Variants in MEGF8 observed in about 807,000 individuals in gnomAD.
The protein encoded by MEGF8 is multiple epidermal growth factor-like domains protein 8.
Under a neutral mutation model 302.9 loss-of-function variants are expected in MEGF8, and 156 were observed. The observed-to-expected ratio is 0.52, with a 90% CI of 0.45 to 0.59. The LOEUF (loss-of-function observed/expected upper bound fraction) is 0.59. MEGF8 is among the 20% of genes least tolerant of loss of function. The pLI, the probability that MEGF8 is intolerant of heterozygous loss-of-function variation, is 0.00. For synonymous variants in MEGF8, 1,621 were observed against 1,660.5 expected, an observed-to-expected ratio of 0.98 and a Z score of 0.58; for missense variants, 3,345 against 3,964.5, an observed-to-expected ratio of 0.84 and a Z score of 4.20.
In MEGF8 at chr19:42,376,349, C is replaced by T. The variant is rs761615916; in HGVS notation, c.8112C>T (p.Phe2704=). ...CCTTCGCCAAGGTCACCGTCTGCTT[C>T]CCACCTGACCCTACTGCCCCGGCCT... is the stretch of plus-strand genomic sequence containing the variant. ...SRPFAKVTVC[F]PPDPTAPASA... Residue 2704 remains phenylalanine (F), a synonymous_variant, in exon 42 of 42, where the codon TTC becomes TTT. Coordinates refer to ENST00000251268, the MANE Select transcript of MEGF8 (RefSeq NM_001271938.2). The surrounding 1 kb of genome is among the most constrained non-coding windows in gnomAD (Gnocchi z 8.2). 1.2e-6 allele frequency: 2 copies of T among 1,613,588 alleles called. No individual in the cohort carries two copies. The highest frequency in any genetic ancestry group is 1.7e-6 in the Non-Finnish European group (2 of 1,179,824).
chr19:42,374,050 A>G (rs1050370646), intron 41 of MEGF8, among the ~76,000 whole-genome samples: 4 of 152,176 alleles, frequency 2.6e-5, no homozygotes, highest in Admixed American at 2.6e-4. Context: ...AATAACTAGA[A>G]TGCCAGGAGC....
chr19:42,336,525 T>C lies in MEGF8; in HGVS notation c.1244+179T>C, dbSNP rs1045425627. On this transcript the variant is annotated intron_variant, in intron 6 of 41. Transcript: ENST00000251268. This position sits in a 1 kb window ranked among gnomAD's most constrained non-coding sequence, Gnocchi z 4.8. Reference sequence around the variant, plus strand: ...ATTCATTCATTCACCCACTCACACATTCTCTGATGTTTTATTCAATCTCTT... The same window carrying C: ...ATTCATTCATTCACCCACTCACACACTCTCTGATGTTTTATTCAATCTCTT... Among the ~76,000 whole-genome samples, 1 of 152,238 alleles carries C rather than the reference T, an allele frequency of 6.6e-6. No individual in the cohort carries two copies. Among genetic ancestry groups the C allele is most frequent in the African/African-American group, 2.4e-5 (1 of 41,456 alleles).
At chr19:42,360,713 G>A in intron 31 of MEGF8, 62 bp from the exon 32 acceptor site, 5 of 1,544,596 alleles carry the variant, frequency 3.2e-6, no homozygotes, top group Non-Finnish European at 4.4e-6. Context: ...TGGCATCATG[G>A]TGTGGGTCTC....
At chr19:42,342,714 GT>G (rs2039232155) in intron 8 of MEGF8, among the ~76,000 whole-genome samples, 1 of 152,088 alleles carries the variant, frequency 6.6e-6, no homozygotes, top group Admixed American at 6.6e-5. Context: ...CTGGATCTAG[GT>G]GCTCACAAAA....
chr19:42,354,024 G>A lies in MEGF8; in HGVS notation c.4011G>A (p.Thr1337=), dbSNP rs149716961. 405 of 1,584,994 alleles carry A rather than the reference G, an allele frequency of 2.6e-4. No homozygotes were observed. Among genetic ancestry groups the A allele is most frequent in the Non-Finnish European group, 3.4e-4 (391 of 1,166,808 alleles). Residue 1337 remains threonine, a splice_region_variant and synonymous_variant, in exon 22 of 42, where the codon ACG becomes ACA. Coordinates refer to ENST00000251268, the MANE Select transcript of MEGF8 (RefSeq NM_001271938.2). This position sits in a 1 kb window ranked among gnomAD's most constrained non-coding sequence, Gnocchi z 4.3. The stretch of plus-strand genomic sequence containing the variant: ...CCCCCGACAGCAGCACCCCCTGCAC[G>A]GTGAGCACTGAGGAAACGAGGGTTC... ...TFSPDSSTPC[T]LSYVLAFDGF...
chr19:42,355,889 G>T lies in MEGF8; in HGVS notation c.4276G>T (p.Gly1426Cys). The T allele has an allele frequency of 6.3e-7, 1 of 1,582,076 alleles. No homozygotes were observed. The highest frequency in any genetic ancestry group is 8.6e-7 in the Non-Finnish European group (1 of 1,164,802). The change falls in exon 24 of 42, where the codon GGT becomes TGT. Residue 1426 changes from glycine (G) to cysteine (C), a missense_variant. By Grantham distance (159) the Gly-to-Cys change is radical (BLOSUM62 -3). Coordinates refer to ENST00000251268, the MANE Select transcript of MEGF8 (RefSeq NM_001271938.2). ...PVPQECVPQD[G>C]AAGAGLCRCP... ...CCCCCAGGAATGCGTGCCCCAGGAC[G>T]GTGCTGCAGGTGCGGGGCTCTGCCG...
chr19:42,362,627 G>A (rs1313477544), intron 34 of MEGF8, 30 bp downstream of exon 34: 1 of 1,604,606 alleles, frequency 6.2e-7, no homozygotes, highest in Non-Finnish European at 8.5e-7. Context: ...CCTGAGAGGG[G>A]AGTCTTGGGG....
At position 42,354,484 on chromosome 19, in the gene MEGF8, C is replaced by G; in HGVS notation, c.4012-104C>G. ...CCTGGATGTTCAAACAGCCCATTTC[C>G]CAGTCTCAGATTGCCCTCCCCTCTT... On this transcript the variant is annotated intron_variant, in intron 22 of 41. Transcript: ENST00000251268. This position sits in a 1 kb window ranked among gnomAD's most constrained non-coding sequence, Gnocchi z 4.3. 7.6e-7 allele frequency: 1 copy of G among 1,315,308 alleles called. No individual in the cohort carries two copies. Among genetic ancestry groups the G allele is most frequent in the Middle Eastern group, 1.9e-4 (1 of 5,254 alleles). The allele number at this position is 1,315,308 out of a possible 1,614,324, so 81.5% of individuals were successfully genotyped here.
At chr19:42,328,567 A>AGTGTGTGT (rs113567438) in intron 1 of MEGF8, among the ~76,000 whole-genome samples, 5 of 146,612 alleles carry the variant, frequency 3.4e-5, no homozygotes, top group African/African-American at 5.1e-5. Flanking sequence ...CAGAATAGGA[A>AGTGTGTGT]GTGTGTGTGT....
At position 42,344,215 on chromosome 19, in the gene MEGF8, A is replaced by G; in HGVS notation, c.1788+142A>G. ...CGGAGATCCTCCTTCCTGATTCCTG[A>G]CTGCGGAGCCCTGAACCTTTGCCTA... On this transcript the variant is annotated intron_variant, in intron 10 of 41. Transcript: ENST00000251268. This position sits in a 1 kb window ranked among gnomAD's most constrained non-coding sequence, Gnocchi z 4.5. The G allele has an allele frequency of 7.5e-7, 1 of 1,341,588 alleles. No individual in the cohort carries two copies. Among genetic ancestry groups the G allele is most frequent in the South Asian group, 1.5e-5 (1 of 68,078 alleles). 83.1% of individuals were successfully genotyped at this position (1,341,588 alleles called of 1,614,324 possible). A position where few individuals can be genotyped will look rare whatever the true frequency, so the allele number is the denominator to read the frequency against.
intron 40 of MEGF8, among the ~76,000 whole-genome samples, 159 bp downstream of exon 40, chr19:42,370,990 G>A (rs2039683784): frequency 6.6e-6 from 1 of 150,464 alleles, no homozygotes; most frequent in Non-Finnish European, 1.5e-5. Flanking sequence ...GCTGGGGTCA[G>A]GGTAGGGAAG....
At chr19:42,335,247 G>A in intron 4 of MEGF8, 32 bp downstream of exon 4, 1 of 1,614,038 alleles carries the variant, frequency 6.2e-7, no homozygotes, top group East Asian at 2.2e-5. Context: ...CTGGGATCTG[G>A]AGGCCCGGCA....
intron 3 of MEGF8, among the ~76,000 whole-genome samples, chr19:42,334,629 G>A (rs1600014373): frequency 6.6e-6 from 1 of 152,072 alleles, no homozygotes; most frequent in East Asian, 1.9e-4. Flanking sequence ...AGCCCTCCCC[G>A]CCTTGACCTC....
chr19:42,328,263 G>T (rs926522543), intron 1 of MEGF8, among the ~76,000 whole-genome samples: 1 of 152,222 alleles, frequency 6.6e-6, no homozygotes, highest in African/African-American at 2.4e-5. Context: ...TCACAGAGTA[G>T]TGGATGTAAA....
In MEGF8 at chr19:42,377,034, G is replaced by C. The variant is rs2039779568; in HGVS notation, c.*259G>C. On this transcript the variant is annotated 3_prime_UTR_variant, in exon 42 of 42. Transcript: ENST00000251268. The stretch of plus-strand genomic sequence containing the variant: ...GGTTCCCTGATCTCATGGGACTTAG[G>C]TTCTGGTGAAGGGAGACAATCAGTG... 5 of 428,886 alleles carry C rather than the reference G, an allele frequency of 1.2e-5. No individual in the cohort carries two copies. The East Asian group carries it at 1.8e-4, about 15-fold the overall frequency. 26.6% of individuals were successfully genotyped at this position (428,886 alleles called of 1,614,324 possible).
chr19:42,360,869 A>C lies in MEGF8; in HGVS notation c.5583A>C (p.Gly1861=), dbSNP rs746270596. 5 of 1,613,224 alleles carry C rather than the reference A, an allele frequency of 3.1e-6. No individual in the cohort carries two copies. Among genetic ancestry groups the C allele is most frequent in the East Asian group, 4.5e-5 (2 of 44,890 alleles). ...SRLYISGGFG[G]VALGRLLALT... The stretch of plus-strand genomic sequence containing the variant: ...TGTATATCTCTGGGGGTTTCGGGGG[A>C]GTGGCCCTGGGCCGCCTGCTGGCAC... Residue 1861 remains glycine (G), a synonymous_variant, in exon 32 of 42, where the codon GGA becomes GGC. Transcript: ENST00000251268.
Position 42,336,905 on chromosome 19 carries a change from G to A in MEGF8, c.1343G>A (p.Arg448Gln), listed in dbSNP as rs1228621761. ...GATGGGCTTCAGGGCCCAAGGGAGC[G>A]AGCCTTCCACACAGCCAGTGTTCTG... ...GRDGLQGPRERAFHTASVLGN... is the reference protein window; with the variant it reads ...GRDGLQGPREQAFHTASVLGN... Residue 448 changes from arginine (R) to glutamine (Q), a missense_variant, in exon 7 of 42, where the codon CGA becomes CAA. Transcript: ENST00000251268. This position sits in a 1 kb window ranked among gnomAD's most constrained non-coding sequence, Gnocchi z 4.8. The A allele has an allele frequency of 2.5e-6, 4 of 1,613,680 alleles. No homozygotes were observed. The highest frequency in any genetic ancestry group is 2.2e-5 in the East Asian group (1 of 44,868).
rs562722155 is a variant in MEGF8 at position 42,366,243 on chromosome 19, C to T, written c.6274-2212C>T. Among the ~76,000 whole-genome samples the T allele has an allele frequency of 3.9e-5, 6 of 152,252 alleles. No individual in the cohort carries two copies. In the South Asian group the frequency reaches 1.2e-3, roughly 32 times the overall value. On this transcript the variant is annotated intron_variant, in intron 35 of 41. Transcript: ENST00000251268. ...TGAAACAGAGTCTCGCTCTGTCGCC[C>T]AGGCTGTAGTGCAGTGGCATGATCT... is the stretch of plus-strand genomic sequence containing the variant.
Position 42,357,441 on chromosome 19 carries a change from A to G in MEGF8, c.4868A>G (p.His1623Arg). 4 of 1,613,480 alleles carry G rather than the reference A, an allele frequency of 2.5e-6. No homozygotes were observed. Among genetic ancestry groups the G allele is most frequent in the Non-Finnish European group, 3.4e-6 (4 of 1,179,684 alleles). Residue 1623 changes from histidine (H) to arginine (R), a missense_variant, in exon 28 of 42, where the codon CAC (histidine) becomes CGC (arginine). By Grantham distance (29) the His-to-Arg change is conservative. Transcript: ENST00000251268. The surrounding 1 kb of genome is among the most constrained non-coding windows in gnomAD (Gnocchi z 5.2). ...GTGGAGCTGCCAGCCGTTGCTGGTC[A>G]CACCCTTACTGCCCGCCGAGGCCTG... is the stretch of plus-strand genomic sequence containing the variant. ...QTVELPAVAG[H>R]TLTARRGLSL... is the part of the protein sequence containing the mutation.
Sources: gnomAD v4.1 joint callset for allele counts (sites outside exome capture counted in the v4.1 genomes callset) on GRCh38, gnomAD v4.1.1 for gene constraint, Gnocchi (gnomAD v3.1) non-coding constraint, MANE v1.5 for transcripts, NCBI Gene and HGNC (gene_info 2026-07-23, HGNC 2026-07-21) for gene names.